Variants in ZNF26 observed in about 807,000 individuals in gnomAD.
The protein encoded by ZNF26 is zinc finger protein 26, also known as epididymis luminal protein 179.
Under a neutral mutation model 54.9 loss-of-function variants are expected in ZNF26, and 32 were observed. The observed-to-expected ratio is 0.58, with a 90% CI of 0.44 to 0.78. ZNF26 has a LOEUF of 0.78. Among genes scored for constraint, ZNF26 ranks in the 30% least tolerant of loss-of-function variants. The pLI, the probability that ZNF26 is intolerant of heterozygous loss-of-function variation, is 0.00. For synonymous variants in ZNF26, 221 were observed against 209.2 expected (o/e 1.06, Z -0.49); for missense variants, 524 against 634.0 (o/e 0.83, Z 1.86).
chr12:133,006,953 G>T, intron 1 of ZNF26, 89 bp from the exon 2 acceptor site: 1 of 1,451,344 alleles, frequency 6.9e-7, no homozygotes, highest in Non-Finnish European at 9.6e-7. Flanking sequence ...GTTGGTAGAG[G>T]AACATTTATC....
Position 132,986,838 on chromosome 12 carries a change from G to C in ZNF26, c.-3G>C. On this transcript the variant is annotated 5_prime_UTR_variant, in exon 1 of 4. Coordinates refer to ENST00000328654, the MANE Select transcript of ZNF26 (RefSeq NM_019591.4). ...CAGGCAGCGCGCGAACGTGGGCGTG[G>C]GGATGGCCACCAGTTTCCGGACAGC... 1.9e-6 allele frequency: 3 copies of C among 1,605,762 alleles called. No individual in the cohort carries two copies. The highest frequency in any genetic ancestry group is 1.7e-6 in the Non-Finnish European group (2 of 1,176,244).
rs761170722 is a variant in ZNF26 at position 133,020,201 on chromosome 12, C to T, written c.*8720C>T. ...GTCTATTCAGTCATAAAAATAAAAT[C>T]CTGTCATTTGCAGCAACTGGGATGG... On this transcript the variant is annotated 3_prime_UTR_variant, in exon 4 of 4. Transcript: ENST00000328654. 33 of 152,024 alleles carry T rather than the reference C, an allele frequency of 2.2e-4. No homozygotes were observed. The highest frequency in any genetic ancestry group is 5.3e-4 in the African/African-American group (22 of 41,384). 9.4% of individuals were successfully genotyped at this position (152,024 alleles called of 1,614,324 possible). A position where few individuals can be genotyped will look rare whatever the true frequency, so the allele number is the denominator to read the frequency against.
chr12:132,988,246 T>G (rs1270188687), intron 1 of ZNF26, among the ~76,000 whole-genome samples: 4 of 151,546 alleles, frequency 2.6e-5, no homozygotes, highest in Non-Finnish European at 5.9e-5. Flanking sequence ...AATCTTTTGT[T>G]TTTTTTTCAA....
Position 133,010,389 on chromosome 12 carries a change from A to G in ZNF26, c.510A>G (p.Ile170Met), listed in dbSNP as rs2137260208. 2.5e-6 allele frequency: 4 copies of G among 1,614,214 alleles called. 1 individual carries two copies. In the Admixed American group the frequency reaches 6.7e-5, roughly 27 times the overall value. The part of the protein sequence containing the change: ...YFLKHQRAHS[I>M]EKNCVCSECG... ...TTAAGCATCAAAGAGCTCATAGCAT[A>G]GAAAAAAACTGTGTGTGTAGTGAAT... is the stretch of plus-strand genomic sequence containing the variant. The change falls in exon 4 of 4, where the codon ATA becomes ATG. Residue 170 changes from isoleucine (I) to methionine (M), a missense_variant. By Grantham distance (10) the Ile-to-Met change is conservative. Transcript: ENST00000328654.
chr12:133,008,467 T>C (rs1475008218), intron 3 of ZNF26, among the ~76,000 whole-genome samples: 3 of 152,056 alleles, frequency 2.0e-5, no homozygotes, highest in Admixed American at 1.3e-4. Flanking sequence ...GGCCATTCTT[T>C]CATTGCTATA....
In ZNF26 at chr12:133,007,693, C is replaced by T. The variant is rs772304753; in HGVS notation, c.256+161C>T. ...CCAGGAGCTCCTCAGATAAGGACATCGCCGTCACTCTTCATATATTTGGGT... is the reference window on the plus strand; with the variant it reads ...CCAGGAGCTCCTCAGATAAGGACATTGCCGTCACTCTTCATATATTTGGGT... On this transcript the variant is annotated intron_variant, in intron 3 of 3. Coordinates refer to ENST00000328654, the MANE Select transcript of ZNF26 (RefSeq NM_019591.4). 3.0e-3 allele frequency among the ~76,000 whole-genome samples: 451 copies of T among 152,216 alleles called. 2 individuals are homozygous for T. The highest frequency in any genetic ancestry group is 0.01 in the African/African-American group (419 of 41,542).
intron 1 of ZNF26, among the ~76,000 whole-genome samples, chr12:132,994,969 A>G (rs1593641092): frequency 3.3e-5 from 5 of 152,184 alleles, no homozygotes; most frequent in Non-Finnish European, 5.9e-5. Context: ...AGACATTGTC[A>G]AATGCCCCCG....
rs1056961854 is a variant in ZNF26 at position 133,020,188 on chromosome 12, A to T, written c.*8707A>T. 27 of 152,224 alleles carry T rather than the reference A, an allele frequency of 1.8e-4. No homozygotes were observed. Among genetic ancestry groups the T allele is most frequent in the African/African-American group, 5.5e-4 (23 of 41,452 alleles). The allele number at this position is 152,224 out of a possible 1,614,324, so 9.4% of individuals were successfully genotyped here. The stretch of plus-strand genomic sequence containing the variant: ...ACACAGTCAATATGTCTATTCAGTC[A>T]TAAAAATAAAATCCTGTCATTTGCA... On this transcript the variant is annotated 3_prime_UTR_variant, in exon 4 of 4. Transcript: ENST00000328654.
intron 1 of ZNF26, among the ~76,000 whole-genome samples, chr12:132,990,893 C>G (rs1952934517): frequency 6.6e-6 from 1 of 152,012 alleles, no homozygotes; most frequent in East Asian, 1.9e-4. Context: ...GAGTCTCACT[C>G]TGTCACCCAG....
At chr12:132,991,878 C>T (rs979256274) in intron 1 of ZNF26, among the ~76,000 whole-genome samples, 4 of 151,650 alleles carry the variant, frequency 2.6e-5, no homozygotes, top group African/African-American at 9.7e-5. Flanking sequence ...CCGGGCCTGG[C>T]GGCTCATCCC....
rs1020827795 is a variant in ZNF26 at position 133,026,537 on chromosome 12, T to G, written c.*15056T>G. ...AGTTCAACTTTTTTTTTTTTTTTTTTTTTTTTTGATACAGAGTCTCGTTCT... is the reference window on the plus strand; with the variant it reads ...AGTTCAACTTTTTTTTTTTTTTTTTGTTTTTTTGATACAGAGTCTCGTTCT... On this transcript the variant is annotated 3_prime_UTR_variant, in exon 4 of 4. Coordinates refer to ENST00000328654, the MANE Select transcript of ZNF26 (RefSeq NM_019591.4). 9 of 94,750 alleles carry G rather than the reference T, an allele frequency of 9.5e-5. No homozygotes were observed. Among genetic ancestry groups the G allele is most frequent in the Non-Finnish European group, 1.7e-4 (7 of 42,130 alleles). The allele number at this position is 94,750 out of a possible 1,614,324, so 5.9% of individuals were successfully genotyped here.
chr12:133,010,795 A>G lies in ZNF26; in HGVS notation c.916A>G (p.Arg306Gly), dbSNP rs1197248320. The change falls in exon 4 of 4, where the codon AGA (arginine) becomes GGA (glycine). Residue 306 changes from arginine (R) to glycine (G), a missense_variant. Arg to Gly is a moderately radical substitution (Grantham distance 125, BLOSUM62 -2). Transcript: ENST00000328654. ...SLKSPFVVHQ[R>G]THTGVKPHKC... The stretch of plus-strand genomic sequence containing the variant: ...GAAGTCTCCATTCGTTGTACACCAG[A>G]GAACTCATACAGGAGTGAAACCCCA... 1 of 1,613,916 alleles carries G rather than the reference A, an allele frequency of 6.2e-7. No homozygotes were observed. Among genetic ancestry groups the G allele is most frequent in the Non-Finnish European group, 8.5e-7 (1 of 1,180,030 alleles).
At chr12:133,000,564 A>G (rs113962049) in intron 1 of ZNF26, among the ~76,000 whole-genome samples, 2 of 151,846 alleles carry the variant, frequency 1.3e-5, no homozygotes, top group African/African-American at 4.8e-5. Flanking sequence ...AGCTGGGACT[A>G]CAGGCGCCCG....
Position 133,012,227 on chromosome 12 carries a change from T to C in ZNF26, c.*746T>C, listed in dbSNP as rs200529280. ...CAGTTCCATGCCTGTTGTCCATTGA[T>C]TGACATGAGCACCCCTGTTTTCTCT... is the stretch of plus-strand genomic sequence containing the variant. On this transcript the variant is annotated 3_prime_UTR_variant, in exon 4 of 4. Coordinates refer to ENST00000328654, the MANE Select transcript of ZNF26 (RefSeq NM_019591.4). 252 of 152,316 alleles carry C rather than the reference T, an allele frequency of 1.7e-3. No homozygotes were observed. The highest frequency in any genetic ancestry group is 5.8e-3 in the African/African-American group (243 of 41,568). 9.4% of individuals were successfully genotyped at this position (152,316 alleles called of 1,614,324 possible).
chr12:132,990,743 G>C (rs975192553), intron 1 of ZNF26, among the ~76,000 whole-genome samples: 13 of 152,094 alleles, frequency 8.5e-5, no homozygotes, highest in African/African-American at 2.4e-4. Flanking sequence ...TAGAGTGTCT[G>C]TTTCTTTTTG....
chr12:132,995,836 G>A (rs1373955526), intron 1 of ZNF26, among the ~76,000 whole-genome samples: 1 of 152,130 alleles, frequency 6.6e-6, no homozygotes, highest in Non-Finnish European at 1.5e-5. Flanking sequence ...ATATTTAGTA[G>A]AGACGGGATT....
intron 1 of ZNF26, among the ~76,000 whole-genome samples, chr12:132,990,735 G>C (rs1952930724): frequency 6.6e-6 from 1 of 152,160 alleles, no homozygotes; most frequent in Admixed American, 6.5e-5. Flanking sequence ...AGGCTTATTA[G>C]AGTGTCTGTT....
rs1953440936 is a variant in ZNF26 at position 133,010,301 on chromosome 12, C to T, written c.422C>T (p.Pro141Leu). 1 of 1,613,704 alleles carries T rather than the reference C, an allele frequency of 6.2e-7. No homozygotes were observed. The highest frequency in any genetic ancestry group is 8.5e-7 in the Non-Finnish European group (1 of 1,179,988). Reference sequence around the variant, plus strand: ...AAAAGTTTGACACAAAACTCAGCTCCAAGCAGAAGTTATTTAAGAAAGAAT... The same window carrying T: ...AAAAGTTTGACACAAAACTCAGCTCTAAGCAGAAGTTATTTAAGAAAGAAT... ...RGKSLTQNSA[P>L]SRSYLRKNPD... The change falls in exon 4 of 4, where the codon CCA becomes CTA. Residue 141 changes from proline to leucine, a missense_variant. Transcript: ENST00000328654.
rs1048877006 is a variant in ZNF26 at position 133,003,586 on chromosome 12, T to A, written c.34-3456T>A. ...CTTTTAGAGGTGTGTTTGTGTGTAC[T>A]GTATTCCTGTATGTAATTTAAATGG... On this transcript the variant is annotated intron_variant, in intron 1 of 3. Coordinates refer to ENST00000328654, the MANE Select transcript of ZNF26 (RefSeq NM_019591.4). Among the ~76,000 whole-genome samples, 7 of 152,312 alleles carry A rather than the reference T, an allele frequency of 4.6e-5. No individual in the cohort carries two copies. The East Asian group carries it at 1.2e-3, about 25-fold the overall frequency.
Sources: gnomAD v4.1 joint callset for allele counts (sites outside exome capture counted in the v4.1 genomes callset) on GRCh38, gnomAD v4.1.1 for gene constraint, MANE v1.5 for transcripts, NCBI Gene and HGNC (gene_info 2026-07-23, HGNC 2026-07-21) for gene names.